Variants in ARL15 observed in about 807,000 individuals in gnomAD.
The protein encoded by ARL15 is ARF like GTPase 15.
A neutral mutation model predicts 25.2 loss-of-function variants in ARL15; 19 were observed. The ratio of observed to expected loss-of-function variants is 0.75; its 90% CI spans 0.53 to 1.10. The LOEUF (loss-of-function observed/expected upper bound fraction) is 1.10, where lower values mean the gene tolerates loss of function less well. ARL15 is among the 50% of genes least tolerant of loss of function. ARL15 has a pLI of 0.00. For missense variants in ARL15, 220 were observed against 246.0 expected (o/e 0.89, Z 0.71); for synonymous variants, 94 against 86.8 (o/e 1.08, Z -0.46).
chr5:54,298,606 A>G (rs2112706414), intron 1 of ARL15, among the ~76,000 whole-genome samples: 1 of 151,966 alleles, frequency 6.6e-6, no homozygotes, highest in South Asian at 2.1e-4. Flanking sequence ...GTCTCATAAA[A>G]CATTCATTGG....
chr5:54,069,576 A>G, intron 4 of ARL15, among the ~76,000 whole-genome samples: 1 of 150,870 alleles, frequency 6.6e-6, no homozygotes, highest in Non-Finnish European at 1.5e-5. Context: ...AAAAAAAAAA[A>G]AAAAAAAACC....
intron 1 of ARL15, among the ~76,000 whole-genome samples, chr5:54,239,124 G>C (rs1756885979): frequency 6.6e-6 from 1 of 152,070 alleles, no homozygotes; most frequent in South Asian, 2.1e-4. Context: ...CGACATTTAG[G>C]TCAATTTATA....
At chr5:53,917,195 A>C (rs1238434718) in intron 4 of ARL15, among the ~76,000 whole-genome samples, 1 of 152,204 alleles carries the variant, frequency 6.6e-6, no homozygotes, top group Non-Finnish European at 1.5e-5. Context: ...CAATTGTAGC[A>C]ACTTATTTGA....
chr5:53,900,864 T>C (rs1322913976), intron 4 of ARL15, among the ~76,000 whole-genome samples: 1 of 152,192 alleles, frequency 6.6e-6, no homozygotes, highest in African/African-American at 2.4e-5. Context: ...ATGAATCGTG[T>C]TGCAAACAGA....
At chr5:54,131,981 A>G (rs2112279971) in intron 3 of ARL15, among the ~76,000 whole-genome samples, 1 of 152,314 alleles carries the variant, frequency 6.6e-6, no homozygotes, top group Non-Finnish European at 1.5e-5. Context: ...GGGAAAAAGT[A>G]TGATTATTTA....
intron 1 of ARL15, among the ~76,000 whole-genome samples, chr5:54,261,749 T>TACAC (rs371794928): frequency 4.0e-5 from 6 of 150,410 alleles, no homozygotes; most frequent in South Asian, 2.1e-4. Context: ...AACCAGATCT[T>TACAC]ACACACACAC....
intron 4 of ARL15, among the ~76,000 whole-genome samples, chr5:54,012,239 C>T (rs1414635629): frequency 6.6e-6 from 1 of 152,120 alleles, no homozygotes; most frequent in Non-Finnish European, 1.5e-5. Context: ...AAGATACTGT[C>T]CATCCCTTTA....
chr5:54,304,022 G>T (rs1011564438), intron 1 of ARL15, among the ~76,000 whole-genome samples: 1 of 152,198 alleles, frequency 6.6e-6, no homozygotes, highest in South Asian at 2.1e-4. Context: ...AGAGTCCTTG[G>T]GGACAAGGGC....
At chr5:54,062,988 T>C (rs1487265659) in intron 4 of ARL15, among the ~76,000 whole-genome samples, 1 of 152,242 alleles carries the variant, frequency 6.6e-6, no homozygotes, top group Non-Finnish European at 1.5e-5. Context: ...TTTCTTCTTT[T>C]ATATTTAAAT....
At chr5:54,119,116 G>A (rs553754124) in intron 3 of ARL15, among the ~76,000 whole-genome samples, 1 of 152,220 alleles carries the variant, frequency 6.6e-6, no homozygotes, top group African/African-American at 2.4e-5. Context: ...TCAGTAGGAT[G>A]ACCTTCCAAC....
At chr5:54,109,357 TAAG>T (rs1325324294) in intron 4 of ARL15, among the ~76,000 whole-genome samples, 1 of 152,012 alleles carries the variant, frequency 6.6e-6, no homozygotes, top group East Asian at 1.9e-4. Context: ...ACTTTTGGAT[TAAG>T]GATATAGACA....
chr5:54,124,120 T>C (rs757785537), intron 3 of ARL15, among the ~76,000 whole-genome samples: 1 of 152,192 alleles, frequency 6.6e-6, no homozygotes, highest in Non-Finnish European at 1.5e-5. Context: ...TATATTTGCC[T>C]GAGGACAGAG....
intron 4 of ARL15, among the ~76,000 whole-genome samples, chr5:54,038,340 A>G (rs1417564422): frequency 6.6e-6 from 1 of 152,158 alleles, no homozygotes; most frequent in Non-Finnish European, 1.5e-5. Flanking sequence ...ACTAAATATA[A>G]GGAGATTTAT....
intron 1 of ARL15, among the ~76,000 whole-genome samples, chr5:54,249,247 A>C (rs1757175199): frequency 6.6e-6 from 1 of 152,210 alleles, no homozygotes; most frequent in Non-Finnish European, 1.5e-5. Flanking sequence ...GAGCTGAGGT[A>C]GTAGAGTCCA....
At chr5:54,304,722 G>T (rs919788164) in intron 1 of ARL15, among the ~76,000 whole-genome samples, 2 of 152,138 alleles carry the variant, frequency 1.3e-5, no homozygotes, top group Non-Finnish European at 2.9e-5. Flanking sequence ...TATTTAATAT[G>T]ACTGCCTAAT....
intron 4 of ARL15, among the ~76,000 whole-genome samples, chr5:54,030,984 T>G (rs781595446): frequency 4.6e-5 from 7 of 152,194 alleles, no homozygotes; most frequent in Non-Finnish European, 1.0e-4. Context: ...GAAACCACTG[T>G]AAATGCAAGT....
intron 1 of ARL15, among the ~76,000 whole-genome samples, chr5:54,227,185 G>A (rs906866098): frequency 1.3e-5 from 2 of 152,144 alleles, no homozygotes; most frequent in Non-Finnish European, 2.9e-5. Context: ...ACAACTGAAG[G>A]AAATAACGCT....
chr5:53,926,409 GA>G (rs3842044), intron 4 of ARL15, among the ~76,000 whole-genome samples: 76,366 of 151,760 alleles, frequency 0.5, 20,479 homozygotes, highest in African/African-American at 0.71. Flanking sequence ...GCCACGGCGG[GA>G]AAAAAGTCCC....
At chr5:53,959,821 G>C (rs1451776691) in intron 4 of ARL15, among the ~76,000 whole-genome samples, 1 of 151,882 alleles carries the variant, frequency 6.6e-6, no homozygotes, top group Non-Finnish European at 1.5e-5. Flanking sequence ...CTTTCTTCTT[G>C]CATTGTAACT....
Sources: gnomAD v4.1 joint callset for allele counts (sites outside exome capture counted in the v4.1 genomes callset) on GRCh38, gnomAD v4.1.1 for gene constraint, MANE v1.5 for transcripts, NCBI Gene and HGNC (gene_info 2026-07-23, HGNC 2026-07-21) for gene names.